The following FAM200C variants were observed in gnomAD, a reference collection of about 807,000 sequenced individuals.
chr5:160,395,415 G>A, the FAM200C span: 1 of 1,614,180 alleles, frequency 6.2e-7, no homozygotes, highest in Non-Finnish European at 8.5e-7. Context: ...TGTGGACGCT[G>A]AGTTCCATCT....
the FAM200C span, chr5:160,395,565 C>G: frequency 8.5e-7 from 1 of 1,179,698 alleles, no homozygotes; most frequent in Non-Finnish European, 1.3e-6. Flanking sequence ...ATAACCCACA[C>G]ATTAAAAACC....
the FAM200C span, among the ~76,000 whole-genome samples, chr5:160,396,548 C>T: frequency 4.0e-5 from 6 of 151,836 alleles, no homozygotes; most frequent in Non-Finnish European, 7.4e-5. Flanking sequence ...CTCAGGAGTT[C>T]GAGACCAGCC....
At chr5:160,395,448 A>G in the FAM200C span, 3 of 1,614,190 alleles carry the variant, frequency 1.9e-6, no homozygotes, top group East Asian at 2.2e-5. Context: ...CAGGTGAACC[A>G]GTAGCGAACA....
the FAM200C span, chr5:160,395,639 C>A: frequency 1.5e-6 from 1 of 682,936 alleles, no homozygotes. Flanking sequence ...AAGATACAGC[C>A]TGCAGCATGT....
chr5:160,394,546 A>T, the FAM200C span: 1 of 1,614,174 alleles, frequency 6.2e-7, no homozygotes. Context: ...CAATTTCTTC[A>T]AAGAAAGCCT....
the FAM200C span, chr5:160,394,157 G>C: frequency 8.7e-6 from 14 of 1,612,188 alleles, no homozygotes; most frequent in African/African-American, 1.6e-4. Context: ...TGTTATTTCA[G>C]CTGCAATGAA....
the FAM200C span, chr5:160,395,285 A>C: frequency 1.2e-6 from 2 of 1,614,206 alleles, no homozygotes; most frequent in Non-Finnish European, 1.7e-6. Context: ...TGGTGCTGGC[A>C]TATGCTTCAG....
At chr5:160,396,973 T>G in the FAM200C span, among the ~76,000 whole-genome samples, 1 of 152,198 alleles carries the variant, frequency 6.6e-6, no homozygotes, top group Non-Finnish European at 1.5e-5. Flanking sequence ...TCTCCAGCTA[T>G]GGAGTGGGGG....
At chr5:160,393,834 G>A in the FAM200C span, 1 of 1,613,182 alleles carries the variant, frequency 6.2e-7, no homozygotes, top group Non-Finnish European at 8.5e-7. Flanking sequence ...GTTTTGAAAT[G>A]TAAAAGTGAT....
At chr5:160,396,698 GAAAAAAA>G in the FAM200C span, among the ~76,000 whole-genome samples, 5 of 48,400 alleles carry the variant, frequency 1.0e-4, no homozygotes, top group Admixed American at 2.0e-4. Context: ...AGTCTCTGTG[GAAAAAAA>G]AAAAAAAAAA....
chr5:160,398,277 C>A, the FAM200C span, among the ~76,000 whole-genome samples: 8 of 152,054 alleles, frequency 5.3e-5, no homozygotes, highest in African/African-American at 1.4e-4. Flanking sequence ...AGGCTGGGTA[C>A]GGTGGCTCAT....
At chr5:160,394,590 T>A in the FAM200C span, 1 of 1,614,190 alleles carries the variant, frequency 6.2e-7, no homozygotes, top group South Asian at 1.1e-5. Flanking sequence ...CTCCCTTTGA[T>A]GAAATTTATT....
chr5:160,394,767 TACAA>T, the FAM200C span: 4 of 1,614,110 alleles, frequency 2.5e-6, no homozygotes, highest in Non-Finnish European at 3.4e-6. Flanking sequence ...GCACCATCAG[TACAA>T]ACAGAGCCAC....
chr5:160,395,337 T>A, the FAM200C span: 1 of 1,614,216 alleles, frequency 6.2e-7, no homozygotes, highest in Non-Finnish European at 8.5e-7. Flanking sequence ...TGCTGTCTGT[T>A]AAAATGGTCT....
chr5:160,395,453 C>T, the FAM200C span: 18 of 1,613,964 alleles, frequency 1.1e-5, no homozygotes, highest in South Asian at 4.4e-5. Flanking sequence ...GAACCAGTAG[C>T]GAACATAGTC....
chr5:160,393,732 G>A, the FAM200C span: 75 of 1,551,784 alleles, frequency 4.8e-5, no homozygotes, highest in Admixed American at 1.4e-3. Flanking sequence ...TGTAGCTGTA[G>A]CTTTTGTTCA....
At chr5:160,394,482 C>T in the FAM200C span, 2 of 1,613,936 alleles carry the variant, frequency 1.2e-6, no homozygotes, top group East Asian at 2.2e-5. Flanking sequence ...AGTATTTGGC[C>T]TCGGGAAAGC....
At chr5:160,395,025 C>A in the FAM200C span, 6 of 1,613,800 alleles carry the variant, frequency 3.7e-6, no homozygotes, top group East Asian at 8.9e-5. Context: ...TGTAAGATAT[C>A]CTGGCTCATT....
At chr5:160,395,623 T>A in the FAM200C span, 1 of 731,678 alleles carries the variant, frequency 1.4e-6, no homozygotes. Flanking sequence ...CTATCTTGTA[T>A]ATGTCAAGAT....
Sources: gnomAD v4.1 joint callset for allele counts (sites outside exome capture counted in the v4.1 genomes callset) on GRCh38, gnomAD v4.1.1 for gene constraint, MANE v1.5 for transcripts.